EPHA6: variants seen among roughly 807,000 people sequenced by gnomAD.
EPHA6 encodes ephrin type-A receptor 6.
In EPHA6, 50 loss-of-function variants were observed where a neutral mutation model predicts 112.0. The observed-to-expected ratio is 0.45, with a 90% CI of 0.36 to 0.56. The LOEUF (loss-of-function observed/expected upper bound fraction) is 0.56, where lower values mean the gene tolerates loss of function less well. EPHA6 is among the 20% of genes least tolerant of loss of function. The pLI, the probability that EPHA6 is intolerant of heterozygous loss-of-function variation, is 0.00. For missense variants in EPHA6, 1,280 were observed against 1,417.4 expected (o/e 0.90, Z 1.56); for synonymous variants, 529 against 490.7 (o/e 1.08, Z -1.03).
rs116113971 is a variant in EPHA6, at chr3:96,900,587, A to G, written c.450+33698A>G. ...CTAAAGGCAACAGAGGGAGCTTTTG[A>G]GGAACAGAGAATACGGCTGTGACAG... On this transcript the variant is annotated intron_variant, in intron 2 of 17. Transcript: ENST00000389672. 5.4e-3 allele frequency among the ~76,000 whole-genome samples: 819 copies of G among 152,362 alleles called. 6 individuals are homozygous for G. The highest frequency in any genetic ancestry group is 0.018 in the African/African-American group (767 of 41,592).
intron 1 of EPHA6, among the ~76,000 whole-genome samples, chr3:96,835,289 T>C (rs551906522): frequency 1.3e-5 from 2 of 152,214 alleles, no homozygotes; most frequent in African/African-American, 4.8e-5. Flanking sequence ...AAAAGTGTTA[T>C]AGATGTGGTG....
chr3:97,097,792 A>G (rs2047285946), intron 3 of EPHA6, among the ~76,000 whole-genome samples: 1 of 151,930 alleles, frequency 6.6e-6, no homozygotes, highest in South Asian at 2.1e-4. Flanking sequence ...TGGTATTTTA[A>G]TCACATAGCA....
At chr3:97,008,681 A>T (rs932335624) in intron 3 of EPHA6, among the ~76,000 whole-genome samples, 5 of 152,114 alleles carry the variant, frequency 3.3e-5, no homozygotes, top group Non-Finnish European at 5.9e-5. Flanking sequence ...CATTTGGTTG[A>T]GAAGAGGCAC....
rs114283822 is a variant in EPHA6 at position 96,971,828 on chromosome 3, G to A, written c.451-15502G>A. Among the ~76,000 whole-genome samples the A allele has an allele frequency of 4.5e-3, 684 of 152,180 alleles. 5 individuals are homozygous for A. The highest frequency in any genetic ancestry group is 0.016 in the African/African-American group (667 of 41,534). On this transcript the variant is annotated intron_variant, in intron 2 of 17. Transcript: ENST00000389672. ...GCAACTTTTCATTCTCAGCCATTCT[G>A]CATTCTTAATCTTAGAATGAAGTTG...
chr3:97,336,816 A>G (rs2083078553), intron 5 of EPHA6, among the ~76,000 whole-genome samples: 1 of 152,016 alleles, frequency 6.6e-6, no homozygotes, highest in African/African-American at 2.4e-5. Context: ...AGAGAAATTA[A>G]TGCAGAAAAG....
intron 14 of EPHA6, among the ~76,000 whole-genome samples, chr3:97,682,459 A>G (rs1327923342): frequency 6.6e-6 from 1 of 152,104 alleles, no homozygotes; most frequent in African/African-American, 2.4e-5. Context: ...TTTTCTATAT[A>G]TAATTGACCC....
chr3:97,303,940 C>A (rs1671680848), intron 5 of EPHA6, among the ~76,000 whole-genome samples: 1 of 151,980 alleles, frequency 6.6e-6, no homozygotes, highest in African/African-American at 2.4e-5. Context: ...TATAGCTCTT[C>A]TTGAAGAGGC....
rs780254423 is a variant in EPHA6 at position 96,987,858 on chromosome 3, C to T, written c.979C>T (p.Arg327Trp). 6.2e-6 allele frequency: 10 copies of T among 1,613,608 alleles called. No individual in the cohort carries two copies. The East Asian group carries it at 1.8e-4, about 29-fold the overall frequency. The change falls in exon 3 of 18, where the codon CGG (arginine) becomes TGG (tryptophan). Residue 327 changes from arginine to tryptophan, a missense_variant. Coordinates refer to ENST00000389672, the MANE Select transcript of EPHA6 (RefSeq NM_001080448.3). ...RVDSSSLVEVRGSCVKSAEER... is the reference protein window; with the variant it reads ...RVDSSSLVEVWGSCVKSAEER... ...TGATTCCTCCTCTTTGGTTGAAGTA[C>T]GGGGTTCTTGTGTGAAGAGTGCTGA...
intron 11 of EPHA6, among the ~76,000 whole-genome samples, chr3:97,534,063 A>T (rs542212575): frequency 2.5e-4 from 38 of 152,212 alleles, no homozygotes; most frequent in Non-Finnish European, 4.7e-4. Flanking sequence ...AAACAGATGG[A>T]CCCCAGTTAG....
intron 5 of EPHA6, among the ~76,000 whole-genome samples, chr3:97,323,499 G>A (rs553909404): frequency 7.9e-5 from 12 of 151,964 alleles, no homozygotes; most frequent in African/African-American, 2.9e-4. Flanking sequence ...TATGTCAAAT[G>A]ATCATGTTTG....
intron 5 of EPHA6, among the ~76,000 whole-genome samples, chr3:97,297,093 T>G (rs1404523533): frequency 1.3e-5 from 2 of 152,112 alleles, no homozygotes; most frequent in Admixed American, 6.6e-5. Context: ...AGGTCCCTAG[T>G]CTAGTCAGAG....
chr3:97,040,741 T>G (rs2045283412), intron 3 of EPHA6, among the ~76,000 whole-genome samples: 1 of 152,132 alleles, frequency 6.6e-6, no homozygotes, highest in African/African-American at 2.4e-5. Context: ...TTTCATAATC[T>G]GCAACAGCAA....
intron 3 of EPHA6, among the ~76,000 whole-genome samples, chr3:97,184,948 A>T (rs2077084873): frequency 6.6e-6 from 1 of 152,200 alleles, no homozygotes; most frequent in Admixed American, 6.5e-5. Flanking sequence ...AAACCTGACA[A>T]AAACAAGCAA....
At chr3:97,392,997 T>A (rs1378325379) in intron 5 of EPHA6, among the ~76,000 whole-genome samples, 2 of 151,924 alleles carry the variant, frequency 1.3e-5, no homozygotes, top group African/African-American at 4.8e-5. Context: ...GATCAAATAA[T>A]AATACTTTTG....
chr3:96,916,786 C>T (rs993940159), intron 2 of EPHA6, among the ~76,000 whole-genome samples: 1 of 152,010 alleles, frequency 6.6e-6, no homozygotes, highest in African/African-American at 2.4e-5. Context: ...GAACGGAGTG[C>T]CAATGAGTTC....
intron 5 of EPHA6, among the ~76,000 whole-genome samples, chr3:97,371,422 A>G (rs1205092075): frequency 2.0e-5 from 3 of 152,118 alleles, no homozygotes; most frequent in African/African-American, 4.8e-5. Flanking sequence ...CTTTACTGCA[A>G]TCTCTGAACA....
chr3:97,687,384 A>G (rs1328322988), intron 14 of EPHA6, among the ~76,000 whole-genome samples: 8 of 152,226 alleles, frequency 5.3e-5, no homozygotes, highest in Admixed American at 3.3e-4. Flanking sequence ...ATTGGACATC[A>G]TGGCTATAAT....
intron 5 of EPHA6, among the ~76,000 whole-genome samples, chr3:97,264,030 T>C (rs953705481): frequency 1.3e-5 from 2 of 152,244 alleles, no homozygotes; most frequent in African/African-American, 2.4e-5. Context: ...AAGAGCAAGA[T>C]AGTAAATATT....
At chr3:97,485,995 G>C (rs963491719) in intron 10 of EPHA6, among the ~76,000 whole-genome samples, 1 of 152,146 alleles carries the variant, frequency 6.6e-6, no homozygotes, top group Non-Finnish European at 1.5e-5. Flanking sequence ...TAAACAATAA[G>C]AAGAAATAAA....
Sources: gnomAD v4.1 joint callset for allele counts (sites outside exome capture counted in the v4.1 genomes callset) on GRCh38, gnomAD v4.1.1 for gene constraint, MANE v1.5 for transcripts, NCBI Gene and HGNC (gene_info 2026-07-23, HGNC 2026-07-21) for gene names.